GPC5: variants seen among roughly 807,000 people sequenced by gnomAD.
GPC5 encodes the protein glypican 5.
GPC5 carries 47 observed loss-of-function variants against 53.9 expected under a neutral mutation model. That is an observed-to-expected ratio of 0.87 (90% CI 0.69 to 1.11). GPC5 has a LOEUF of 1.11. Ranked by LOEUF, GPC5 falls within the 50% of genes most tolerant of loss-of-function variation. The pLI is 0.00. For synonymous variants in GPC5, 286 were observed against 263.3 expected (o/e 1.09, Z -0.84); for missense variants, 748 against 713.1 (o/e 1.05, Z -0.56).
rs2038399219 is a variant in GPC5 at position 91,816,302 on chromosome 13, T to C, written c.1280+59882T>C. 2.0e-5 allele frequency among the ~76,000 whole-genome samples: 3 copies of C among 152,124 alleles called. No individual in the cohort carries two copies. In the South Asian group the frequency reaches 6.2e-4, roughly 32 times the overall value. On this transcript the variant is annotated intron_variant, in intron 5 of 7. Coordinates refer to ENST00000377067, the MANE Select transcript of GPC5 (RefSeq NM_004466.6). Reference sequence around the variant, plus strand: ...TCAAGGTGGGCATTGGAAAGTATTGTTGAGTGAATGCTTAAAAGAATGGCA... The same window carrying C: ...TCAAGGTGGGCATTGGAAAGTATTGCTGAGTGAATGCTTAAAAGAATGGCA...
chr13:92,385,952 T>C (rs1874694895), intron 7 of GPC5, among the ~76,000 whole-genome samples: 1 of 151,628 alleles, frequency 6.6e-6, no homozygotes, highest in African/African-American at 2.4e-5. Flanking sequence ...ATGAAGAGCT[T>C]ATACCCCATA....
intron 7 of GPC5, among the ~76,000 whole-genome samples, chr13:92,773,036 G>A (rs558154057): frequency 2.0e-5 from 3 of 152,082 alleles, no homozygotes; most frequent in South Asian, 2.1e-4. Context: ...TCCTTTTTCC[G>A]ATAATAAAAT....
chr13:91,413,253 C>G (rs1014006206), intron 1 of GPC5, among the ~76,000 whole-genome samples: 2 of 152,100 alleles, frequency 1.3e-5, no homozygotes, highest in African/African-American at 4.8e-5. Context: ...TGCACTTCAG[C>G]CTGGGTGACA....
intron 7 of GPC5, among the ~76,000 whole-genome samples, chr13:92,664,815 C>T (rs1317814325): frequency 6.6e-6 from 1 of 152,118 alleles, no homozygotes; most frequent in Non-Finnish European, 1.5e-5. Flanking sequence ...CCAGCAATGG[C>T]ACCACTAATA....
intron 6 of GPC5, among the ~76,000 whole-genome samples, chr13:92,019,996 T>C (rs1401368818): frequency 6.6e-6 from 1 of 152,116 alleles, no homozygotes; most frequent in Non-Finnish European, 1.5e-5. Context: ...TTGGTAGGGC[T>C]ATGTTTATTT....
chr13:91,767,381 A>G (rs1036011486), intron 5 of GPC5, among the ~76,000 whole-genome samples: 6 of 152,248 alleles, frequency 3.9e-5, no homozygotes, highest in Admixed American at 6.5e-5. Flanking sequence ...ATAAAGCACT[A>G]TAGAGATAAA....
chr13:92,435,495 A>G (rs577042588), intron 7 of GPC5, among the ~76,000 whole-genome samples: 1 of 152,338 alleles, frequency 6.6e-6, no homozygotes, highest in South Asian at 2.1e-4. Flanking sequence ...TATTTTGGGC[A>G]AGAAGAACAA....
chr13:92,637,009 C>A (rs1885428405), intron 7 of GPC5, among the ~76,000 whole-genome samples: 1 of 152,036 alleles, frequency 6.6e-6, no homozygotes, highest in South Asian at 2.1e-4. Flanking sequence ...AATTGATAAC[C>A]AACTCTTGTC....
Position 91,837,200 on chromosome 13 carries a change from A to G in GPC5, c.1281-70737A>G, listed in dbSNP as rs189115969. Among the ~76,000 whole-genome samples the G allele has an allele frequency of 1.4e-4, 22 of 152,058 alleles. 1 individual carries two copies. The highest frequency in any genetic ancestry group is 4.3e-4 in the African/African-American group (18 of 41,548). On this transcript the variant is annotated intron_variant, in intron 5 of 7. Transcript: ENST00000377067. ...AAATCAAATTAATATCTAAATTACTATTAGAAATCCCTATTTTTAATTTTC... is the reference window on the plus strand; with the variant it reads ...AAATCAAATTAATATCTAAATTACTGTTAGAAATCCCTATTTTTAATTTTC...
chr13:91,628,982 A>C (rs2034084290), intron 2 of GPC5, among the ~76,000 whole-genome samples: 1 of 152,190 alleles, frequency 6.6e-6, no homozygotes, highest in African/African-American at 2.4e-5. Flanking sequence ...CTAGCATCTA[A>C]AGTGGAGATA....
chr13:92,497,615 A>T (rs1181214408), intron 7 of GPC5, among the ~76,000 whole-genome samples: 1 of 151,954 alleles, frequency 6.6e-6, no homozygotes, highest in East Asian at 1.9e-4. Context: ...AGAAATTTAA[A>T]GTTGTTTTTT....
chr13:92,413,781 G>A (rs1305504887), intron 7 of GPC5, among the ~76,000 whole-genome samples: 1 of 152,130 alleles, frequency 6.6e-6, no homozygotes, highest in Non-Finnish European at 1.5e-5. Context: ...GGACCACGAA[G>A]GTTTACCTTT....
chr13:91,671,419 C>A (rs1415643299), intron 2 of GPC5, among the ~76,000 whole-genome samples: 1 of 151,814 alleles, frequency 6.6e-6, no homozygotes, highest in Non-Finnish European at 1.5e-5. Context: ...TTTTGCACGT[C>A]GATTTTGTAT....
intron 7 of GPC5, among the ~76,000 whole-genome samples, chr13:92,464,589 A>T (rs1395421017): frequency 6.6e-6 from 1 of 152,100 alleles, no homozygotes; most frequent in Non-Finnish European, 1.5e-5. Flanking sequence ...TGATGGGTTC[A>T]TAGTTAAGAA....
intron 7 of GPC5, among the ~76,000 whole-genome samples, chr13:92,167,443 T>C (rs1042912373): frequency 6.6e-6 from 1 of 151,938 alleles, no homozygotes; most frequent in African/African-American, 2.4e-5. Context: ...GCAATGCAAA[T>C]GATTGAAGCT....
chr13:91,701,048 G>T (rs1189278390), intron 3 of GPC5, among the ~76,000 whole-genome samples: 1 of 152,026 alleles, frequency 6.6e-6, no homozygotes, highest in Non-Finnish European at 1.5e-5. Flanking sequence ...AAACTCATGT[G>T]TATGTCTTTC....
chr13:92,337,532 T>A (rs1342039057), intron 7 of GPC5, among the ~76,000 whole-genome samples: 1 of 152,140 alleles, frequency 6.6e-6, no homozygotes, highest in Non-Finnish European at 1.5e-5. Context: ...AGTTGGAGAC[T>A]GACAATACCA....
At chr13:92,832,323 T>C (rs1878074009) in intron 7 of GPC5, among the ~76,000 whole-genome samples, 1 of 152,198 alleles carries the variant, frequency 6.6e-6, no homozygotes, top group Non-Finnish European at 1.5e-5. Context: ...GAGTTTGGCA[T>C]TAATTTGGGC....
At chr13:92,196,749 C>T (rs993843373) in intron 7 of GPC5, among the ~76,000 whole-genome samples, 1 of 152,160 alleles carries the variant, frequency 6.6e-6, no homozygotes. Context: ...CCATGTCAGA[C>T]GCAGGGTAAC....
Sources: gnomAD v4.1 joint callset for allele counts (sites outside exome capture counted in the v4.1 genomes callset) on GRCh38, gnomAD v4.1.1 for gene constraint, MANE v1.5 for transcripts, NCBI Gene and HGNC (gene_info 2026-07-23, HGNC 2026-07-21) for gene names.